Variants in CSMD1 observed in about 807,000 individuals in gnomAD.
CSMD1 encodes the protein CUB and sushi domain-containing protein 1.
CSMD1 carries 213 observed loss-of-function variants against 417.5 expected under a neutral mutation model. The observed-to-expected ratio is 0.51, with a 90% CI of 0.46 to 0.57. The LOEUF (loss-of-function observed/expected upper bound fraction) is 0.57. Ranked by LOEUF, CSMD1 falls within the 20% of genes least tolerant of loss-of-function variation. The pLI is 0.00. For missense variants in CSMD1, 6,923 were observed against 4,529.7 expected, an observed-to-expected ratio of 1.53 and a Z score of -15.17; for synonymous variants, 2,862 against 1,736.8, an observed-to-expected ratio of 1.65 and a Z score of -16.11.
intron 3 of CSMD1, among the ~76,000 whole-genome samples, chr8:4,139,778 C>T (rs938624965): frequency 6.6e-6 from 1 of 151,106 alleles, no homozygotes; most frequent in Admixed American, 6.6e-5. Flanking sequence ...TAGATGTTTG[C>T]ACACTGAGCT....
At chr8:4,461,163 C>T (rs1406603893) in intron 2 of CSMD1, among the ~76,000 whole-genome samples, 1 of 2,614 alleles carries the variant, frequency 3.8e-4, no homozygotes, top group Non-Finnish European at 1.5e-3. Context: ...ATTGTCTTAC[C>T]AGATAAAAAG....
chr8:4,337,615 T>C (rs1037132512), intron 3 of CSMD1, among the ~76,000 whole-genome samples: 22 of 152,298 alleles, frequency 1.4e-4, no homozygotes, highest in African/African-American at 5.3e-4. Context: ...GTAAATATTT[T>C]AGACAAGTGT....
chr8:4,204,042 G>C (rs943324484), intron 3 of CSMD1, among the ~76,000 whole-genome samples: 3 of 152,096 alleles, frequency 2.0e-5, no homozygotes, highest in Admixed American at 6.6e-5. Context: ...CAGAAGTTGC[G>C]GTGAGCTGAG....
At chr8:4,916,573 C>T (rs957710238) in intron 1 of CSMD1, among the ~76,000 whole-genome samples, 1 of 152,184 alleles carries the variant, frequency 6.6e-6, no homozygotes, top group African/African-American at 2.4e-5. Flanking sequence ...TACTGCCCTG[C>T]TCAATAAATG....
At chr8:4,808,165 T>C (rs1798696351) in intron 1 of CSMD1, among the ~76,000 whole-genome samples, 1 of 151,756 alleles carries the variant, frequency 6.6e-6, no homozygotes, top group African/African-American at 2.4e-5. Context: ...CGGTGTGGAG[T>C]CACAGAGGGC....
At chr8:3,205,713 C>T (rs773275542) in intron 30 of CSMD1, 93 bp from the exon 31 acceptor site, 8 of 518,932 alleles carry the variant, frequency 1.5e-5, no homozygotes, top group African/African-American at 6.0e-5. Flanking sequence ...CACGTGAGCA[C>T]GTTTATTGAA....
chr8:3,821,287 T>G (rs957289129), intron 5 of CSMD1, among the ~76,000 whole-genome samples: 1 of 152,160 alleles, frequency 6.6e-6, no homozygotes, highest in Non-Finnish European at 1.5e-5. Flanking sequence ...GGAAATACAT[T>G]AACCAGCAAC....
At position 3,857,441 on chromosome 8, in the gene CSMD1, G is replaced by C. The variant is rs568638899; in HGVS notation, c.819-103399C>G. ...AAACTGTGATGGTAAATCCAAGCCA[G>C]ATGGGACCTTGGAGAACTTCTGGAC... On this transcript the variant is annotated intron_variant, in intron 5 of 69. Transcript: ENST00000635120. Among the ~76,000 whole-genome samples, 15 of 152,324 alleles carry C rather than the reference G, an allele frequency of 9.8e-5. No individual in the cohort carries two copies. The South Asian group carries it at 2.7e-3, about 27-fold the overall frequency.
At position 4,731,792 on chromosome 8, in the gene CSMD1, T is replaced by G. The variant is rs1212076163; in HGVS notation, c.86-94234A>C. ...GCTGGCTTCTACCACCTACTCTATT[T>G]ATTTAGGGTTGGGCGAACAACTCAC... On this transcript the variant is annotated intron_variant, in intron 1 of 69. Transcript: ENST00000635120. Among the ~76,000 whole-genome samples, 7 of 152,142 alleles carry G rather than the reference T, an allele frequency of 4.6e-5. 1 individual carries two copies. The highest frequency in any genetic ancestry group is 8.8e-5 in the Non-Finnish European group (6 of 68,026).
chr8:4,903,531 C>T (rs1377100023), intron 1 of CSMD1, among the ~76,000 whole-genome samples: 1 of 152,188 alleles, frequency 6.6e-6, no homozygotes, highest in Non-Finnish European at 1.5e-5. Flanking sequence ...AATACTGAAA[C>T]AGGAGATATA....
chr8:3,937,666 G>A (rs567402774), intron 5 of CSMD1, among the ~76,000 whole-genome samples: 2 of 152,106 alleles, frequency 1.3e-5, no homozygotes, highest in Non-Finnish European at 2.9e-5. Flanking sequence ...CAATATCTCT[G>A]AAGTACGGCT....
intron 7 of CSMD1, among the ~76,000 whole-genome samples, chr8:3,691,055 G>A (rs62474720): frequency 0.29 from 44,502 of 151,840 alleles, 7,395 homozygotes; most frequent in South Asian, 0.41. Flanking sequence ...AACACACATG[G>A]CGACATCCTC....
At chr8:4,024,181 A>C (rs1401665176) in intron 4 of CSMD1, among the ~76,000 whole-genome samples, 1 of 152,220 alleles carries the variant, frequency 6.6e-6, no homozygotes, top group Non-Finnish European at 1.5e-5. Flanking sequence ...ATTCCAGTTC[A>C]TAAATATAAC....
intron 63 of CSMD1, 68 bp downstream of exon 63, chr8:2,957,628 G>A (rs576338866): frequency 3.2e-5 from 33 of 1,022,050 alleles, no homozygotes; most frequent in Non-Finnish European, 4.9e-5. Flanking sequence ...TCCCTTAGTG[G>A]TAAACACGTC....
intron 1 of CSMD1, among the ~76,000 whole-genome samples, chr8:4,990,527 C>T (rs544918698): frequency 6.6e-6 from 1 of 152,242 alleles, no homozygotes; most frequent in South Asian, 2.1e-4. Flanking sequence ...CCACGCCCAG[C>T]TAATTTCGTA....
chr8:3,158,188 C>G (rs3802296), intron 38 of CSMD1, among the ~76,000 whole-genome samples: 33,148 of 152,064 alleles, frequency 0.22, 4,112 homozygotes, highest in East Asian at 0.37. Context: ...CTACTAAAAA[C>G]AAAATCTTGC....
chr8:4,528,317 T>C (rs530041299), intron 2 of CSMD1, among the ~76,000 whole-genome samples: 1 of 152,276 alleles, frequency 6.6e-6, no homozygotes, highest in Non-Finnish European at 1.5e-5. Context: ...ACAACAAAAG[T>C]TATTTTATAG....
chr8:4,480,690 G>T (rs772988486), intron 2 of CSMD1, among the ~76,000 whole-genome samples: 1 of 152,168 alleles, frequency 6.6e-6, no homozygotes, highest in East Asian at 1.9e-4. Context: ...GTGTAGCTGT[G>T]TATCCATCTC....
At chr8:4,545,095 T>G (rs1044566298) in intron 2 of CSMD1, among the ~76,000 whole-genome samples, 3 of 152,218 alleles carry the variant, frequency 2.0e-5, no homozygotes, top group Non-Finnish European at 4.4e-5. Flanking sequence ...ATAAAAGGCA[T>G]GTTAAGAGGG....
Sources: allele counts gnomAD v4.1 joint callset (sites outside exome capture counted in the v4.1 genomes callset), GRCh38; gene constraint gnomAD v4.1.1; transcripts MANE v1.5; gene names NCBI Gene and HGNC (gene_info 2026-07-23, HGNC 2026-07-21).